Variants in PRDM15 observed in about 807,000 individuals in gnomAD.
PRDM15 encodes the protein PR/SET domain 15, also known as PR domain zinc finger protein 15.
A neutral mutation model predicts 128.6 loss-of-function variants in PRDM15; 64 were observed. That is an observed-to-expected ratio of 0.50 (90% confidence interval 0.41 to 0.61). The LOEUF (loss-of-function observed/expected upper bound fraction) is 0.61, where lower values mean the gene tolerates loss of function less well. Among genes scored for constraint, PRDM15 ranks in the 20% least tolerant of loss-of-function variants. The probability of loss-of-function intolerance (pLI) is 0.00; values close to 1 mark genes in which losing one functional copy is unlikely to be tolerated. For missense variants in PRDM15, 1,242 were observed against 1,569.1 expected, an observed-to-expected ratio of 0.79 and a Z score of 3.52; for synonymous variants, 615 against 621.8, an observed-to-expected ratio of 0.99 and a Z score of 0.16.
chr21:41,862,096 C>T lies in PRDM15; in HGVS notation c.-9-1724G>A. The T allele has an allele frequency of 1.1e-6, 1 of 918,712 alleles. No homozygotes were observed. The highest frequency in any genetic ancestry group is 1.8e-6 in the Non-Finnish European group (1 of 570,926). The allele number at this position is 918,712 out of a possible 1,614,324, so 56.9% of individuals were successfully genotyped here. On this transcript the variant is annotated intron_variant, in intron 1 of 23. Coordinates refer to ENST00000398548, the MANE Select transcript of PRDM15 (RefSeq NM_001040424.3). The surrounding 1 kb of genome is among the most constrained non-coding windows in gnomAD (Gnocchi z 4.1). ...AGCAGGAGATGAACAGGACAAAGGGCAGAAGAAACCCAGAGTGGGGTGGGG... is the reference window on the plus strand; with the variant it reads ...AGCAGGAGATGAACAGGACAAAGGGTAGAAGAAACCCAGAGTGGGGTGGGG...
intron 21 of PRDM15, among the ~76,000 whole-genome samples, chr21:41,804,879 CTA>C (rs752081023): frequency 5.9e-5 from 9 of 152,234 alleles, no homozygotes; most frequent in African/African-American, 9.6e-5. Context: ...AGTGGGGAGA[CTA>C]TGTCCTCCCT....
At chr21:41,851,490 G>T (rs1169523080) in intron 5 of PRDM15, among the ~76,000 whole-genome samples, 2 of 152,246 alleles carry the variant, frequency 1.3e-5, no homozygotes, top group Non-Finnish European at 2.9e-5. Context: ...GGGACCCCTG[G>T]CAGGGTCAGG....
At position 41,798,658 on chromosome 21, in the gene PRDM15, C is replaced by G. The variant is rs1472121282; in HGVS notation, c.*2582G>C. ...GCTGCACGGAGCCACGGGTCCAAAA[C>G]GAATTCTCCACTGAGATGGGTCCAC... On this transcript the variant is annotated 3_prime_UTR_variant, in exon 24 of 24. Transcript: ENST00000398548. 1 of 152,222 alleles carries G rather than the reference C, an allele frequency of 6.6e-6. No individual in the cohort carries two copies. Among genetic ancestry groups the G allele is most frequent in the Admixed American group, 6.5e-5 (1 of 15,282 alleles). 9.4% of individuals were successfully genotyped at this position (152,222 alleles called of 1,614,324 possible).
At chr21:41,815,303 C>T (rs898570853) in intron 19 of PRDM15, among the ~76,000 whole-genome samples, 2 of 152,224 alleles carry the variant, frequency 1.3e-5, no homozygotes, top group Non-Finnish European at 2.9e-5. Context: ...TAGCCAGTGC[C>T]CTACCGAGGC....
At chr21:41,850,998 A>G (rs1215083442) in intron 5 of PRDM15, among the ~76,000 whole-genome samples, 1 of 152,162 alleles carries the variant, frequency 6.6e-6, no homozygotes, top group African/African-American at 2.4e-5. Context: ...CGGCCACCAC[A>G]ATAAGTAATT....
intron 1 of PRDM15, chr21:41,867,351 C>T (rs2064046928): frequency 5.6e-6 from 9 of 1,613,630 alleles, no homozygotes; most frequent in Middle Eastern, 1.7e-4. Context: ...TCCTGGTTCC[C>T]CCAGGAAAAG....
intron 13 of PRDM15, among the ~76,000 whole-genome samples, chr21:41,823,987 G>A (rs1177205688): frequency 6.6e-6 from 1 of 152,212 alleles, no homozygotes; most frequent in East Asian, 1.9e-4. Context: ...GGTTGGCGCT[G>A]GGTGGTCCAC....
chr21:41,822,253 G>A (rs998988651), intron 14 of PRDM15, among the ~76,000 whole-genome samples: 1 of 152,208 alleles, frequency 6.6e-6, no homozygotes, highest in African/African-American at 2.4e-5. Context: ...TGCTCTCCAC[G>A]CCGCCCGCGG....
Position 41,860,331 on chromosome 21 carries a change from G to T in PRDM15, c.33C>A (p.Phe11Leu). The change falls in exon 2 of 24, where the codon TTC (phenylalanine) becomes TTA (leucine). Residue 11 changes from phenylalanine (F) to leucine (L), a missense_variant. Phe to Leu is a conservative substitution (Grantham distance 22). Transcript: ENST00000398548. The stretch of plus-strand genomic sequence containing the variant: ...ACAGGTCCCTGGGTCACTTACAGAT[G>T]AACATGATCTCTTCGCTCCCATCTT... MAEDGSEEIMFIWCEDCSQYH... is the reference protein window; with the variant it reads MAEDGSEEIMLIWCEDCSQYH... 1 of 1,613,774 alleles carries T rather than the reference G, an allele frequency of 6.2e-7. No individual in the cohort carries two copies. Among genetic ancestry groups the T allele is most frequent in the South Asian group, 1.1e-5 (1 of 91,052 alleles).
In PRDM15 at chr21:41,801,217, C is replaced by T. The variant is rs753832336; in HGVS notation, c.*23G>A. Reference sequence around the variant, plus strand: ...CCCAAACATCCCTCTGCAGTTCTTGCCCCGAGTCTCCCGGAACGCAGCTCA... The same window carrying T: ...CCCAAACATCCCTCTGCAGTTCTTGTCCCGAGTCTCCCGGAACGCAGCTCA... On this transcript the variant is annotated 3_prime_UTR_variant, in exon 24 of 24. Transcript: ENST00000398548. 13 of 1,506,984 alleles carry T rather than the reference C, an allele frequency of 8.6e-6. No individual in the cohort carries two copies. Among genetic ancestry groups the T allele is most frequent in the Non-Finnish European group, 1.1e-5 (13 of 1,132,994 alleles). 93.4% of individuals were successfully genotyped at this position (1,506,984 alleles called of 1,614,324 possible). A position where few individuals can be genotyped will look rare whatever the true frequency, so the allele number is the denominator to read the frequency against.
At chr21:41,838,156 A>G (rs963203879) in intron 7 of PRDM15, 93 bp from the exon 8 acceptor site, 64 of 1,376,260 alleles carry the variant, frequency 4.7e-5, no homozygotes, top group Non-Finnish European at 1.0e-5. Flanking sequence ...TGGGAACCAC[A>G]GCCAGGCCAG....
In PRDM15 at chr21:41,810,485, C is replaced by A. The variant is rs757975579; in HGVS notation, c.2477-156G>T. 44 of 789,062 alleles carry A rather than the reference C, an allele frequency of 5.6e-5. No individual in the cohort carries two copies. Among genetic ancestry groups the A allele is most frequent in the Non-Finnish European group, 8.7e-5 (43 of 496,418 alleles). 48.9% of individuals were successfully genotyped at this position (789,062 alleles called of 1,614,324 possible). ...GGGCCGGTGCTGGTCCCCGAGCACACATGAGCACAGAGCCTCTGTCCCTTG... is the reference window on the plus strand; with the variant it reads ...GGGCCGGTGCTGGTCCCCGAGCACAAATGAGCACAGAGCCTCTGTCCCTTG... On this transcript the variant is annotated intron_variant, in intron 20 of 23. Transcript: ENST00000398548. This position sits in a 1 kb window ranked among gnomAD's most constrained non-coding sequence, Gnocchi z 6.4.
rs760650245 is a variant in PRDM15, at chr21:41,804,557, C to G, written c.2710G>C (p.Ala904Pro). Residue 904 changes from alanine to proline, a missense_variant, in exon 22 of 24, where the codon GCC becomes CCC. Physicochemically the swap from Ala to Pro is conservative, Grantham distance 27. Around this residue, in one of 3 missense-constraint regions of PRDM15, gnomAD observed 602 missense variants for 788.3 expected, o/e 0.76. Transcript: ENST00000398548. ...ACCTGGACGATGCCAATGGAGGAGG[C>G]GTCGATGGTGGTGGTCTCCGGGAGG... Reference protein sequence around the residue: ...DHLPETTTIDASSIGIVQPEL... With the variant: ...DHLPETTTIDPSSIGIVQPEL... 2 of 1,570,034 alleles carry G rather than the reference C, an allele frequency of 1.3e-6. No homozygotes were observed. Among genetic ancestry groups the G allele is most frequent in the South Asian group, 1.2e-5 (1 of 85,254 alleles).
rs762277227 is a variant in PRDM15, at chr21:41,819,682, G to A, written c.2160C>T (p.Cys720=). 30 of 1,604,620 alleles carry A rather than the reference G, an allele frequency of 1.9e-5. No individual in the cohort carries two copies. The highest frequency in any genetic ancestry group is 2.3e-5 in the Non-Finnish European group (27 of 1,177,888). The part of the protein sequence containing the change: ...LIHTGVKSHA[C]EQCGKSFARK... ...TGGCAAAGGACTTCCCACACTGCTC[G>A]CAGGCGTGGCTCTTCACACCTGAGA... The change falls in exon 18 of 24, where the codon TGC becomes TGT. Residue 720 remains cysteine (C), a synonymous_variant. Coordinates refer to ENST00000398548, the MANE Select transcript of PRDM15 (RefSeq NM_001040424.3).
chr21:41,819,459 G>GC, intron 18 of PRDM15, 123 bp downstream of exon 18: 1 of 312,552 alleles, frequency 3.2e-6, no homozygotes, highest in Non-Finnish European at 5.8e-6. Flanking sequence ...CCGTGGCCCC[G>GC]GCCCCCGCCC....
rs1198596452 is a variant in PRDM15, at chr21:41,837,942, C to T, written c.993G>A (p.Ser331=). Residue 331 remains serine (S), a synonymous_variant, in exon 8 of 24, where the codon TCG becomes TCA. Transcript: ENST00000398548. The part of the protein sequence containing the change: ...KLATTTTDTS[S]VPKFTHHQNN... ...TGCCAGGCAGGACTTACTTTGGAAC[C>T]GAGCTGGTGTCAGTGGTGGTGGTGG... 9.3e-6 allele frequency: 15 copies of T among 1,614,188 alleles called. No homozygotes were observed. The highest frequency in any genetic ancestry group is 4.0e-5 in the African/African-American group (3 of 75,060).
chr21:41,813,857 G>T (rs528070299), intron 19 of PRDM15: 1 of 151,716 alleles, frequency 6.6e-6, no homozygotes, highest in Non-Finnish European at 1.5e-5. Flanking sequence ...TAGTGATTGT[G>T]CAGGGTGCTC....
intron 18 of PRDM15, 96 bp downstream of exon 18, chr21:41,819,486 C>G: frequency 9.6e-6 from 5 of 519,360 alleles, no homozygotes; most frequent in East Asian, 7.8e-5. Flanking sequence ...CACCCACCTT[C>G]CCCACACTCC....
intron 21 of PRDM15, among the ~76,000 whole-genome samples, chr21:41,805,789 C>T (rs113812531): frequency 1.1e-4 from 16 of 146,286 alleles, no homozygotes; most frequent in African/African-American, 3.7e-4. Flanking sequence ...ACCAACACCA[C>T]CACCACCAAC....
Sources: allele counts gnomAD v4.1 joint callset (sites outside exome capture counted in the v4.1 genomes callset), GRCh38; gene constraint gnomAD v4.1.1; regional missense constraint gnomAD v4.1.1; non-coding constraint Gnocchi (gnomAD v3.1); transcripts MANE v1.5; gene names NCBI Gene and HGNC (gene_info 2026-07-23, HGNC 2026-07-21).